The following PRRG4 variants were observed in gnomAD, a reference collection of about 807,000 sequenced individuals.
PRRG4 encodes transmembrane gamma-carboxyglutamic acid protein 4.
A neutral mutation model predicts 20.0 loss-of-function variants in PRRG4; 12 were observed. That is an observed-to-expected ratio of 0.60 (90% CI 0.38 to 0.97). PRRG4 has a LOEUF of 0.97. PRRG4 is among the 50% of genes least tolerant of loss of function. The pLI is 0.00. For missense variants in PRRG4, 199 were observed against 265.1 expected (o/e 0.75, Z 1.73); for synonymous variants, 94 against 96.4 (o/e 0.98, Z 0.15).
chr11:32,845,043 T>C (rs557517663), intron 5 of PRRG4, among the ~76,000 whole-genome samples: 1 of 152,264 alleles, frequency 6.6e-6, no homozygotes, highest in East Asian at 1.9e-4. Flanking sequence ...TCTACAAAAA[T>C]TTTATTTGGC....
At chr11:32,836,147 G>C (rs77407371) in intron 2 of PRRG4, among the ~76,000 whole-genome samples, 3 of 151,942 alleles carry the variant, frequency 2.0e-5, no homozygotes, top group African/African-American at 4.8e-5. Context: ...AGAGATCTTA[G>C]TGATTATTTA....
Position 32,853,546 on chromosome 11 carries a change from A to G in PRRG4, c.*19A>G, listed in dbSNP as rs112118358. 48 of 1,593,304 alleles carry G rather than the reference A, an allele frequency of 3.0e-5. 1 individual carries two copies. The Middle Eastern group carries it at 6.6e-4, about 22-fold the overall frequency. On this transcript the variant is annotated 3_prime_UTR_variant, in exon 6 of 6. Coordinates refer to ENST00000257836, the MANE Select transcript of PRRG4 (RefSeq NM_024081.6). The stretch of plus-strand genomic sequence containing the variant: ...TCACTGACTACCTTGTCATTTTGGT[A>G]TAAGAAATTTGTGTTATTTGATAGG...
At chr11:32,832,465 C>T (rs1349525657) in intron 2 of PRRG4, among the ~76,000 whole-genome samples, 1 of 145,476 alleles carries the variant, frequency 6.9e-6, no homozygotes, top group African/African-American at 2.5e-5. Context: ...AAATAAAGGA[C>T]CTTTGGTGAA....
Position 32,832,050 on chromosome 11 carries a change from A to C in PRRG4, c.103+1418A>C, listed in dbSNP as rs143416336. ...AATAAAAGACAGTCTCAAGGACACCACAAGCTATGGAAGGAATTTAGAGAT... is the reference window on the plus strand; with the variant it reads ...AATAAAAGACAGTCTCAAGGACACCCCAAGCTATGGAAGGAATTTAGAGAT... On this transcript the variant is annotated intron_variant, in intron 2 of 5. Coordinates refer to ENST00000257836, the MANE Select transcript of PRRG4 (RefSeq NM_024081.6). Among the ~76,000 whole-genome samples the C allele has an allele frequency of 4.3e-4, 65 of 152,308 alleles. 1 individual carries two copies. Among genetic ancestry groups the C allele is most frequent in the South Asian group, 3.9e-3 (19 of 4,830 alleles).
At chr11:32,847,008 TAAAG>T (rs1851137179) in intron 5 of PRRG4, among the ~76,000 whole-genome samples, 1 of 141,396 alleles carries the variant, frequency 7.1e-6, no homozygotes, top group African/African-American at 2.6e-5. Flanking sequence ...AAAAAAAAAA[TAAAG>T]AAAGAACTTG....
At chr11:32,849,105 A>G (rs1048399573) in intron 5 of PRRG4, among the ~76,000 whole-genome samples, 1 of 152,054 alleles carries the variant, frequency 6.6e-6, no homozygotes, top group African/African-American at 2.4e-5. Flanking sequence ...TCTCACGCCT[A>G]TAATCCTAGT....
chr11:32,833,652 A>T, intron 2 of PRRG4, among the ~76,000 whole-genome samples: 1 of 152,218 alleles, frequency 6.6e-6, no homozygotes, highest in East Asian at 1.9e-4. Context: ...TATACCTATG[A>T]ATTGCTTCAA....
At chr11:32,837,221 T>A (rs17251994) in intron 3 of PRRG4, among the ~76,000 whole-genome samples, 5,578 of 152,206 alleles carry the variant, frequency 0.037, 183 homozygotes, top group Admixed American at 0.088. Context: ...CTGAGTAATT[T>A]GTCCTATCGG....
Position 32,829,955 on chromosome 11 carries a change from C to T in PRRG4, c.-241C>T. ...CGTCGGCCGCCTCCCCGGACCGAGG[C>T]AGGACCTCACCCCGCGCGTGTTCCC... On this transcript the variant is annotated 5_prime_UTR_variant, in exon 1 of 6. Transcript: ENST00000257836. 1 of 985,716 alleles carries T rather than the reference C, an allele frequency of 1.0e-6. No homozygotes were observed. The highest frequency in any genetic ancestry group is 1.2e-6 in the Non-Finnish European group (1 of 830,156). The allele number at this position is 985,716 out of a possible 1,614,324, so 61.1% of individuals were successfully genotyped here.
At chr11:32,842,613 G>T (rs964842369) in intron 5 of PRRG4, among the ~76,000 whole-genome samples, 4 of 151,784 alleles carry the variant, frequency 2.6e-5, no homozygotes, top group African/African-American at 9.7e-5. Context: ...CCAGCTACTC[G>T]GGAGGCTGAG....
At position 32,857,012 on chromosome 11, in the gene PRRG4, TGTAGAGACAGG is replaced by T; in HGVS notation, c.*3488_*3498del. The T allele has an allele frequency of 2.0e-5, 3 of 152,194 alleles. No homozygotes were observed. In the South Asian group the frequency reaches 6.2e-4, roughly 32 times the overall value. The allele number at this position is 152,194 out of a possible 1,614,324, so 9.4% of individuals were successfully genotyped here. A position where few individuals can be genotyped will look rare whatever the true frequency, so the allele number is the denominator to read the frequency against. On this transcript the variant is annotated 3_prime_UTR_variant, in exon 6 of 6. Coordinates refer to ENST00000257836, the MANE Select transcript of PRRG4 (RefSeq NM_024081.6). ...ACACCTGGCTAATTTTTGTGTTTTT[TGTAGAGACAGG>T]GTTTCACCATGTTGCCCATGCTGGT...
At chr11:32,838,612 G>A (rs1313551889) in intron 3 of PRRG4, among the ~76,000 whole-genome samples, 1 of 152,076 alleles carries the variant, frequency 6.6e-6, no homozygotes, top group Non-Finnish European at 1.5e-5. Flanking sequence ...TGCTTTAGTG[G>A]GGGCTCCAGT....
Position 32,836,763 on chromosome 11 carries a change from A to G in PRRG4, c.209A>G (p.Asn70Ser). The G allele has an allele frequency of 6.2e-7, 1 of 1,613,456 alleles. No homozygotes were observed. The highest frequency in any genetic ancestry group is 2.2e-5 in the East Asian group (1 of 44,812). The change falls in exon 3 of 6, where the codon AAT becomes AGT. Residue 70 changes from asparagine (N) to serine (S), a missense_variant. Physicochemically the swap from Asn to Ser is conservative, Grantham distance 46. Transcript: ENST00000257836. ...FTPGNLERECNEELCNYEEAR... is the reference protein window; with the variant it reads ...FTPGNLERECSEELCNYEEAR... ...CCCGGCAACCTAGAAAGAGAGTGCA[A>G]TGAAGAACTTTGCAATTATGAGGAA...
In PRRG4 at chr11:32,853,387, G is replaced by C. The variant is rs1227868573; in HGVS notation, c.541G>C (p.Val181Leu). The C allele has an allele frequency of 6.2e-7, 1 of 1,613,938 alleles. No homozygotes were observed. ...EAALSPLPPS[V>L]EDAGLPSYEQ... ...TGCCTTGTCTCCATTGCCGCCTTCT[G>C]TGGAGGATGCAGGATTACCTTCTTA... The change falls in exon 6 of 6, where the codon GTG (valine) becomes CTG (leucine). Residue 181 changes from valine (V) to leucine (L), a missense_variant. Transcript: ENST00000257836.
At chr11:32,831,314 T>C (rs190489992) in intron 2 of PRRG4, among the ~76,000 whole-genome samples, 2 of 152,334 alleles carry the variant, frequency 1.3e-5, no homozygotes, top group African/African-American at 2.4e-5. Context: ...CCCTGACTAT[T>C]CATGGTGCTT....
chr11:32,845,400 C>T (rs1254716080), intron 5 of PRRG4, among the ~76,000 whole-genome samples: 2 of 151,940 alleles, frequency 1.3e-5, no homozygotes, highest in African/African-American at 2.4e-5. Flanking sequence ...CCGAGACGGG[C>T]GGATCACGAA....
At position 32,840,192 on chromosome 11, in the gene PRRG4, T is replaced by C; in HGVS notation, c.402T>C (p.Leu134=). The C allele has an allele frequency of 6.2e-7, 1 of 1,608,728 alleles. No homozygotes were observed. Among genetic ancestry groups the C allele is most frequent in the Non-Finnish European group, 8.5e-7 (1 of 1,175,440 alleles). The part of the protein sequence containing the change: ...AGVFLVIFGL[L]GYYLCITKCN... Reference sequence around the variant, plus strand: ...TATTTTTGGTTATTTTTGGATTACTTGGCTACTATCTTTGTATCACTAAGT... The same window carrying C: ...TATTTTTGGTTATTTTTGGATTACTCGGCTACTATCTTTGTATCACTAAGT... Residue 134 remains leucine, a synonymous_variant, in exon 5 of 6, where the codon CTT becomes CTC. Coordinates refer to ENST00000257836, the MANE Select transcript of PRRG4 (RefSeq NM_024081.6). The surrounding 1 kb of genome is among the most constrained non-coding windows in gnomAD (Gnocchi z 4.1).
Position 32,856,376 on chromosome 11 carries a change from T to A in PRRG4, c.*2849T>A, listed in dbSNP as rs1038942722. 1 of 152,188 alleles carries A rather than the reference T, an allele frequency of 6.6e-6. No individual in the cohort carries two copies. The highest frequency in any genetic ancestry group is 2.4e-5 in the African/African-American group (1 of 41,440). 9.4% of individuals were successfully genotyped at this position (152,188 alleles called of 1,614,324 possible). A position where few individuals can be genotyped will look rare whatever the true frequency, so the allele number is the denominator to read the frequency against. Reference sequence around the variant, plus strand: ...ATTGTGATATTTATAGAGCATCCAATGTGGAGATCATGATACTTTAAATAT... The same window carrying A: ...ATTGTGATATTTATAGAGCATCCAAAGTGGAGATCATGATACTTTAAATAT... On this transcript the variant is annotated 3_prime_UTR_variant, in exon 6 of 6. Transcript: ENST00000257836.
intron 3 of PRRG4, among the ~76,000 whole-genome samples, chr11:32,837,535 G>T (rs200037142): frequency 0.014 from 1,491 of 103,302 alleles, 26 homozygotes; most frequent in African/African-American, 0.048. Flanking sequence ...TGATGATGAT[G>T]ATGATGATTA....
Sources: allele counts gnomAD v4.1 joint callset (sites outside exome capture counted in the v4.1 genomes callset), GRCh38; gene constraint gnomAD v4.1.1; non-coding constraint Gnocchi (gnomAD v3.1); transcripts MANE v1.5; gene names NCBI Gene and HGNC (gene_info 2026-07-23, HGNC 2026-07-21).